GAS2: variants seen among roughly 807,000 people sequenced by gnomAD.
GAS2 encodes the protein growth arrest-specific protein 2.
In GAS2, 20 loss-of-function variants were observed where a neutral mutation model predicts 37.5. The observed-to-expected ratio is 0.53, with a 90% CI of 0.37 to 0.77. GAS2 has a LOEUF of 0.77. Ranked by LOEUF, GAS2 falls within the 30% of genes least tolerant of loss-of-function variation. The pLI is 0.00. For missense variants in GAS2, 336 were observed against 373.4 expected (o/e 0.90, Z 0.82); for synonymous variants, 144 against 132.2 (o/e 1.09, Z -0.61).
chr11:22,808,298 A>G (rs183434538), intron 7 of GAS2, among the ~76,000 whole-genome samples: 1 of 152,300 alleles, frequency 6.6e-6, no homozygotes, highest in East Asian at 1.9e-4. Flanking sequence ...TCCTCTTACA[A>G]AGGCAGGAAA....
intron 6 of GAS2, among the ~76,000 whole-genome samples, chr11:22,753,546 T>C (rs1853859296): frequency 6.6e-6 from 1 of 152,126 alleles, no homozygotes; most frequent in Admixed American, 6.6e-5. Flanking sequence ...ATCAATTTAC[T>C]CTTTGGTTAA....
chr11:22,637,163 AT>A (rs1858836885), intron 1 of GAS2, among the ~76,000 whole-genome samples: 1 of 125,432 alleles, frequency 8.0e-6, no homozygotes, highest in East Asian at 2.4e-4. Context: ...TTATGTTAAT[AT>A]TATATTAATA....
intron 4 of GAS2, among the ~76,000 whole-genome samples, chr11:22,735,221 A>ATTTT (rs1291068683): frequency 1.4e-5 from 1 of 69,208 alleles, no homozygotes; most frequent in Non-Finnish European, 3.4e-5. Context: ...GTCACCAATC[A>ATTTT]TTCTTTTTTT....
upstream of GAS2, among the ~76,000 whole-genome samples, chr11:22,663,103 A>G (rs1265378056): frequency 2.0e-5 from 3 of 152,084 alleles, no homozygotes; most frequent in African/African-American, 7.2e-5. Context: ...CAGGAGAGAG[A>G]GAAAGAGAGA....
At chr11:22,750,761 A>T (rs1853682172) in intron 6 of GAS2, among the ~76,000 whole-genome samples, 1 of 151,948 alleles carries the variant, frequency 6.6e-6, no homozygotes, top group Non-Finnish European at 1.5e-5. Flanking sequence ...TTAGGGTAAG[A>T]TGTACCTCTA....
rs147017380 is a variant in GAS2 at position 22,784,550 on chromosome 11, G to A, written c.724-27248G>A. Among the ~76,000 whole-genome samples the A allele has an allele frequency of 6.1e-4, 93 of 152,194 alleles. No individual in the cohort carries two copies. The East Asian group carries it at 0.015, about 25-fold the overall frequency. On this transcript the variant is annotated intron_variant, in intron 7 of 7. Transcript: ENST00000454584. ...ATAACTGCCTTCCAGGTGATTATAC[G>A]TTAAGAGCCTGGCATATAATAGTCA...
intron 3 of GAS2, among the ~76,000 whole-genome samples, chr11:22,711,739 C>A (rs913045407): frequency 6.6e-6 from 1 of 152,140 alleles, no homozygotes; most frequent in African/African-American, 2.4e-5. Flanking sequence ...AGCTTTCCCC[C>A]ACTTCCCTGG....
At chr11:22,714,574 A>G (rs148413233) in intron 3 of GAS2, among the ~76,000 whole-genome samples, 1 of 152,314 alleles carries the variant, frequency 6.6e-6, no homozygotes, top group African/African-American at 2.4e-5. Context: ...CAGAATAAAG[A>G]TTCTTTTCTT....
At chr11:22,806,119 T>C (rs1232085058) in intron 7 of GAS2, among the ~76,000 whole-genome samples, 10 of 152,102 alleles carry the variant, frequency 6.6e-5, no homozygotes, top group African/African-American at 2.4e-4. Context: ...GCCCAGTAGG[T>C]CTCAGCCTCA....
chr11:22,658,064 C>T (rs75869273), intron 1 of GAS2, among the ~76,000 whole-genome samples: 1 of 150,222 alleles, frequency 6.7e-6, no homozygotes, highest in African/African-American at 2.5e-5. Flanking sequence ...CTCACTCTGT[C>T]ACCCAGCCTG....
intron 4 of GAS2, 69 bp downstream of exon 4, chr11:22,726,502 C>A: frequency 1.4e-6 from 2 of 1,414,954 alleles, no homozygotes; most frequent in South Asian, 1.3e-5. Flanking sequence ...TCAGTATAGC[C>A]ATCAAAAAGT....
At chr11:22,628,592 C>T (rs913831542) in intron 1 of GAS2, among the ~76,000 whole-genome samples, 1 of 151,984 alleles carries the variant, frequency 6.6e-6, no homozygotes, top group East Asian at 1.9e-4. Flanking sequence ...AATATTGTAG[C>T]TCATAAAACT....
intron 7 of GAS2, among the ~76,000 whole-genome samples, chr11:22,809,125 C>A (rs996183345): frequency 6.6e-6 from 1 of 152,244 alleles, no homozygotes; most frequent in South Asian, 2.1e-4. Context: ...CAACATGGTA[C>A]TGTGACCGAA....
chr11:22,664,183 C>T (rs141429413), upstream of GAS2, among the ~76,000 whole-genome samples: 2 of 152,106 alleles, frequency 1.3e-5, no homozygotes, highest in South Asian at 2.1e-4. Context: ...TGGCTGTTTC[C>T]GTGTTATTTA....
intron 2 of GAS2, among the ~76,000 whole-genome samples, chr11:22,679,717 T>C (rs1022410048): frequency 6.6e-6 from 1 of 152,118 alleles, no homozygotes; most frequent in African/African-American, 2.4e-5. Context: ...TGAGAGCATA[T>C]TTTAAAGAAA....
At chr11:22,666,074 A>T (rs1848979930), upstream of GAS2, among the ~76,000 whole-genome samples, 4 of 152,250 alleles carry the variant, frequency 2.6e-5, no homozygotes, top group South Asian at 4.1e-4. Context: ...ACACTTGAAC[A>T]TCTGTCCACT....
intron 1 of GAS2, among the ~76,000 whole-genome samples, chr11:22,671,758 G>T (rs1291055961): frequency 2.0e-5 from 3 of 151,972 alleles, no homozygotes; most frequent in African/African-American, 7.2e-5. Context: ...ATCTTTTTAT[G>T]GGAATAAGAT....
chr11:22,726,494 A>G (rs1811768961), intron 4 of GAS2, 61 bp downstream of exon 4: 1 of 1,476,472 alleles, frequency 6.8e-7, no homozygotes. Flanking sequence ...TGTCTTTGTC[A>G]GTATAGCCAT....
At chr11:22,654,605 G>A (rs920255693) in intron 1 of GAS2, among the ~76,000 whole-genome samples, 16 of 151,908 alleles carry the variant, frequency 1.1e-4, no homozygotes, top group South Asian at 4.2e-4. Flanking sequence ...TATTTTGCCC[G>A]GGCTGATCTT....
Sources: allele counts gnomAD v4.1 joint callset (sites outside exome capture counted in the v4.1 genomes callset), GRCh38; gene constraint gnomAD v4.1.1; transcripts MANE v1.5; gene names NCBI Gene and HGNC (gene_info 2026-07-23, HGNC 2026-07-21).